GARIN5B: variants seen among roughly 807,000 people sequenced by gnomAD.
The protein encoded by GARIN5B is Golgi-associated RAB2 interactor protein 5B.
At chr19:55,358,473 G>A in the GARIN5B span, 43 of 1,535,810 alleles carry the variant, frequency 2.8e-5, no homozygotes, top group Non-Finnish European at 3.4e-5. Context: ...GGCTTGGAGC[G>A]AAAGGGCACC....
chr19:55,358,707 A>G, the GARIN5B span: 1 of 1,550,718 alleles, frequency 6.4e-7, no homozygotes, highest in Non-Finnish European at 8.7e-7. Context: ...AAGAGCCAGG[A>G]GGGAAGTGAG....
chr19:55,358,311 C>T, the GARIN5B span: 1 of 1,541,506 alleles, frequency 6.5e-7, no homozygotes, highest in South Asian at 1.2e-5. Flanking sequence ...TCCTGCGACA[C>T]CCTCTTGGGC....
chr19:55,362,352 T>G, the GARIN5B span: 1 of 1,550,406 alleles, frequency 6.4e-7, no homozygotes, highest in South Asian at 1.2e-5. Context: ...AGCAGGTTGA[T>G]GAGGCGGACC....
the GARIN5B span, chr19:55,361,111 G>A: frequency 6.4e-7 from 1 of 1,551,298 alleles, no homozygotes; most frequent in African/African-American, 1.4e-5. Context: ...CGCCTGGAGT[G>A]GGTGAGGAAG....
At chr19:55,355,384 C>T in the GARIN5B span, 1 of 1,548,130 alleles carries the variant, frequency 6.5e-7, no homozygotes, top group Non-Finnish European at 8.7e-7. Context: ...CTTTGGGGGA[C>T]AGGGTAGGGA....
the GARIN5B span, chr19:55,362,361 C>A: frequency 6.4e-7 from 1 of 1,550,512 alleles, no homozygotes; most frequent in Non-Finnish European, 8.7e-7. Context: ...ATGAGGCGGA[C>A]CCAGCAGTGG....
At chr19:55,362,497 G>C in the GARIN5B span, 1,767 of 1,482,782 alleles carry the variant, frequency 1.2e-3, 3 homozygotes, top group Non-Finnish European at 1.5e-3. Flanking sequence ...GGTCCAGGGG[G>C]ATCATCCTGG....
the GARIN5B span, among the ~76,000 whole-genome samples, chr19:55,355,564 G>A: frequency 9.2e-5 from 14 of 152,212 alleles, no homozygotes; most frequent in South Asian, 2.5e-3. Context: ...TTGGCTCTAG[G>A]GGCAGACAAG....
chr19:55,359,137 C>T, the GARIN5B span: 1 of 1,551,196 alleles, frequency 6.4e-7, no homozygotes, highest in Non-Finnish European at 8.7e-7. Flanking sequence ...GGCTTCTCTC[C>T]AGCACGGCTC....
the GARIN5B span, chr19:55,361,101 C>A: frequency 6.4e-7 from 1 of 1,551,282 alleles, no homozygotes; most frequent in East Asian, 2.4e-5. Flanking sequence ...TGCGCTTGAG[C>A]GCCTGGAGTG....
the GARIN5B span, among the ~76,000 whole-genome samples, chr19:55,356,711 AACCACC>A: frequency 6.6e-6 from 1 of 152,126 alleles, no homozygotes; most frequent in South Asian, 2.1e-4. Context: ...AATGTCATGC[AACCACC>A]TCTACCTAGT....
the GARIN5B span, chr19:55,360,876 G>A: frequency 6.5e-7 from 1 of 1,546,256 alleles, no homozygotes; most frequent in Middle Eastern, 1.7e-4. Context: ...TTGGGTGTGA[G>A]TTCTGTCGGG....
the GARIN5B span, among the ~76,000 whole-genome samples, chr19:55,362,006 C>A: frequency 6.7e-6 from 1 of 148,480 alleles, no homozygotes; most frequent in Non-Finnish European, 1.5e-5. Context: ...GACCCCAGGC[C>A]CTTCTTCCCT....
the GARIN5B span, chr19:55,360,101 C>T: frequency 1.4e-6 from 1 of 698,356 alleles, no homozygotes; most frequent in Non-Finnish European, 2.3e-6. Flanking sequence ...GCCCCTCCTC[C>T]CTCAGACTCA....
the GARIN5B span, chr19:55,361,082 AC>A: frequency 1.3e-6 from 2 of 1,551,136 alleles, no homozygotes; most frequent in South Asian, 2.4e-5. Context: ...ACGGCCTGAG[AC>A]TTGAAACTGC....
the GARIN5B span, among the ~76,000 whole-genome samples, chr19:55,356,451 C>G: frequency 2.0e-5 from 3 of 151,948 alleles, no homozygotes; most frequent in Non-Finnish European, 4.4e-5. Context: ...CAGCTCACTG[C>G]AACCCGTCGC....
At chr19:55,361,317 C>T in the GARIN5B span, 2 of 1,540,612 alleles carry the variant, frequency 1.3e-6, no homozygotes, top group African/African-American at 1.4e-5. Context: ...TGTGGAGGGC[C>T]CCACCAAGGA....
chr19:55,360,092 C>CT, the GARIN5B span: 4 of 775,240 alleles, frequency 5.2e-6, no homozygotes, highest in Non-Finnish European at 8.0e-6. Context: ...CAGGCCCCAG[C>CT]CCCTCCTCCC....
chr19:55,362,001 CA>C, the GARIN5B span, among the ~76,000 whole-genome samples: 1 of 151,144 alleles, frequency 6.6e-6, no homozygotes, highest in African/African-American at 2.4e-5. Context: ...TCCAGGACCC[CA>C]GGCCCTTCTT....
Sources: allele counts gnomAD v4.1 joint callset (sites outside exome capture counted in the v4.1 genomes callset), GRCh38; gene constraint gnomAD v4.1.1; transcripts MANE v1.5; gene names NCBI Gene and HGNC (gene_info 2026-07-23, HGNC 2026-07-21).